The following DPF3 variants were observed in gnomAD, a reference collection of about 807,000 sequenced individuals.
DPF3 encodes the protein double PHD fingers 3.
In DPF3, 18 loss-of-function variants were observed where a neutral mutation model predicts 56.8. That is an observed-to-expected ratio of 0.32 (90% CI 0.22 to 0.47). The LOEUF (loss-of-function observed/expected upper bound fraction) is 0.47. Ranked by LOEUF, DPF3 falls within the 20% of genes least tolerant of loss-of-function variation. DPF3 has a pLI of 1.00. For missense variants in DPF3, 403 were observed against 488.8 expected (o/e 0.82, Z 1.65); for synonymous variants, 188 against 180.2 (o/e 1.04, Z -0.35).
chr14:72,710,039 G>A (rs988287006), intron 6 of DPF3, among the ~76,000 whole-genome samples: 8 of 152,178 alleles, frequency 5.3e-5, no homozygotes, highest in African/African-American at 1.2e-4. Context: ...ATATCACAAC[G>A]TCATCACCAA....
intron 1 of DPF3, among the ~76,000 whole-genome samples, chr14:72,858,419 A>G (rs1788760378): frequency 6.6e-6 from 1 of 152,020 alleles, no homozygotes; most frequent in South Asian, 2.1e-4. Flanking sequence ...AGTAGGACTC[A>G]GGAGAACTGC....
intron 1 of DPF3, among the ~76,000 whole-genome samples, chr14:72,836,705 C>A (rs538349160): frequency 1.3e-5 from 2 of 152,056 alleles, no homozygotes; most frequent in East Asian, 3.9e-4. Context: ...ACATTCCTAA[C>A]AGGACTAGCT....
chr14:72,753,516 G>C, intron 2 of DPF3, 145 bp from the exon 3 acceptor site: 1 of 674,152 alleles, frequency 1.5e-6, no homozygotes, highest in Middle Eastern at 3.4e-4. Context: ...CTGATTGCTA[G>C]TGGTGGCAAG....
chr14:72,808,179 G>A (rs1463116127), intron 1 of DPF3, among the ~76,000 whole-genome samples: 4 of 152,124 alleles, frequency 2.6e-5, no homozygotes, highest in African/African-American at 9.7e-5. Context: ...TCTGGAAGCA[G>A]GAAGAGAGAA....
intron 1 of DPF3, among the ~76,000 whole-genome samples, chr14:72,824,548 TTTC>T (rs1255063453): frequency 7.9e-6 from 1 of 125,804 alleles, no homozygotes; most frequent in Non-Finnish European, 1.8e-5. Flanking sequence ...ACGTTTTCTT[TTTC>T]TTTTTTTTTT....
At chr14:72,875,408 A>G (rs528931883) in intron 1 of DPF3, among the ~76,000 whole-genome samples, 2 of 152,296 alleles carry the variant, frequency 1.3e-5, no homozygotes, top group South Asian at 4.2e-4. Context: ...CCCTGTCTCA[A>G]AAAAAGGATA....
At chr14:72,787,838 C>G (rs541687914) in intron 1 of DPF3, among the ~76,000 whole-genome samples, 1 of 152,318 alleles carries the variant, frequency 6.6e-6, no homozygotes, top group East Asian at 1.9e-4. Flanking sequence ...CAGAACTGAG[C>G]TGCTAAGGAC....
chr14:72,836,325 G>C (rs1377106411), intron 1 of DPF3: 14 of 985,400 alleles, frequency 1.4e-5, no homozygotes, highest in Non-Finnish European at 1.6e-5. Flanking sequence ...GGATAATAAA[G>C]TGACCGAATG....
intron 8 of DPF3, chr14:72,670,617 C>T (rs1886627873): frequency 7.1e-6 from 7 of 987,124 alleles, no homozygotes; most frequent in African/African-American, 1.8e-5. Context: ...GATATTGCTT[C>T]GATTTCTTTG....
chr14:72,730,507 A>G (rs914355785), intron 4 of DPF3, among the ~76,000 whole-genome samples: 1 of 151,976 alleles, frequency 6.6e-6, no homozygotes, highest in Non-Finnish European at 1.5e-5. Flanking sequence ...TCGAGACTCA[A>G]CTCTACCCAG....
rs569101629 is a variant in DPF3, at chr14:72,726,303, GA to G, written c.430-2576del. 1.1e-3 allele frequency among the ~76,000 whole-genome samples: 171 copies of G among 152,268 alleles called. 1 individual carries two copies. The highest frequency in any genetic ancestry group is 1.9e-3 in the Non-Finnish European group (131 of 68,020). On this transcript the variant is annotated intron_variant, in intron 4 of 10. Transcript: ENST00000556509. ...GCCTCTGGCATCTCAGTACAACTCC[GA>G]CTCTCATTTTTCATTATAAGGGTAT...
chr14:72,839,616 G>C (rs982703519), intron 1 of DPF3, among the ~76,000 whole-genome samples: 1 of 152,184 alleles, frequency 6.6e-6, no homozygotes, highest in African/African-American at 2.4e-5. Flanking sequence ...CCTTTCACCT[G>C]TCCTGAGGTA....
intron 6 of DPF3, among the ~76,000 whole-genome samples, chr14:72,705,831 C>T (rs1026212343): frequency 6.6e-6 from 1 of 152,202 alleles, no homozygotes; most frequent in Non-Finnish European, 1.5e-5. Context: ...ACTGTCATCA[C>T]ACAATGTGGG....
chr14:72,811,339 G>A (rs1883036468), intron 1 of DPF3, among the ~76,000 whole-genome samples: 1 of 152,198 alleles, frequency 6.6e-6, no homozygotes, highest in Non-Finnish European at 1.5e-5. Flanking sequence ...GCCCCATGAA[G>A]GAAGAGATTG....
chr14:72,633,645 T>A (rs1397003881), intron 8 of DPF3, among the ~76,000 whole-genome samples: 1 of 152,178 alleles, frequency 6.6e-6, no homozygotes, highest in African/African-American at 2.4e-5. Flanking sequence ...TGAGGGAATG[T>A]TGACAGATCA....
intron 1 of DPF3, among the ~76,000 whole-genome samples, chr14:72,848,317 C>T (rs1176144735): frequency 6.6e-6 from 1 of 152,114 alleles, no homozygotes; most frequent in Non-Finnish European, 1.5e-5. Context: ...GCATGCACCA[C>T]CATGCCCGGC....
chr14:72,874,257 T>G (rs558590418), intron 1 of DPF3, among the ~76,000 whole-genome samples: 4 of 151,574 alleles, frequency 2.6e-5, no homozygotes, highest in Non-Finnish European at 5.9e-5. Context: ...GATGGGCAGA[T>G]CACGGGGTCA....
At chr14:72,698,662 G>A (rs767289488) in intron 6 of DPF3, among the ~76,000 whole-genome samples, 2 of 152,180 alleles carry the variant, frequency 1.3e-5, no homozygotes, top group Non-Finnish European at 2.9e-5. Context: ...ACTCTAGCCT[G>A]GGTGACAGAG....
At chr14:72,705,273 G>A (rs1483644171) in intron 6 of DPF3, among the ~76,000 whole-genome samples, 2 of 151,860 alleles carry the variant, frequency 1.3e-5, no homozygotes, top group African/African-American at 4.8e-5. Flanking sequence ...AAGAGATCTA[G>A]GTTGCACACT....
Sources: allele counts gnomAD v4.1 joint callset (sites outside exome capture counted in the v4.1 genomes callset), GRCh38; gene constraint gnomAD v4.1.1; transcripts MANE v1.5; gene names NCBI Gene and HGNC (gene_info 2026-07-23, HGNC 2026-07-21).